Variants in KATNA1 observed in about 807,000 individuals in gnomAD.
KATNA1 encodes the protein katanin catalytic subunit A1, also known as katanin p60 ATPase-containing subunit A1.
KATNA1 carries 42 observed loss-of-function variants against 62.6 expected under a neutral mutation model. The ratio of observed to expected loss-of-function variants is 0.67; its 90% confidence interval spans 0.52 to 0.87. The LOEUF is 0.87. Ranked by LOEUF, KATNA1 falls within the 40% of genes least tolerant of loss-of-function variation. KATNA1 has a pLI of 0.00. For synonymous variants in KATNA1, 186 were observed against 201.9 expected, an observed-to-expected ratio of 0.92 and a Z score of 0.67; for missense variants, 498 against 612.5, an observed-to-expected ratio of 0.81 and a Z score of 1.97.
intron 2 of KATNA1, among the ~76,000 whole-genome samples, chr6:149,633,884 A>G (rs1779952744): frequency 6.6e-6 from 1 of 151,922 alleles, no homozygotes; most frequent in African/African-American, 2.4e-5. Flanking sequence ...TGAACCTGGG[A>G]GGCGGAGGTT....
chr6:149,640,903 T>A (rs1780257745), intron 1 of KATNA1, among the ~76,000 whole-genome samples: 1 of 145,506 alleles, frequency 6.9e-6, no homozygotes, highest in African/African-American at 2.6e-5. Flanking sequence ...GGAGTTTTGC[T>A]CTTGTTGCCC....
chr6:149,619,476 G>A (rs1779311461), intron 4 of KATNA1, among the ~76,000 whole-genome samples: 1 of 152,032 alleles, frequency 6.6e-6, no homozygotes, highest in Non-Finnish European at 1.5e-5. Context: ...AGCTAGGCGT[G>A]GTAGCGTGTG....
At chr6:149,632,622 G>C (rs966615551) in intron 3 of KATNA1, 137 bp downstream of exon 3, 1 of 632,876 alleles carries the variant, frequency 1.6e-6, no homozygotes, top group Non-Finnish European at 2.6e-6. Context: ...CAAGACCAGT[G>C]AGTTATAAAA....
At position 149,638,446 on chromosome 6, in the gene KATNA1, G is replaced by A. The variant is rs761567070; in HGVS notation, c.102C>T (p.Asp34=). The change falls in exon 2 of 11, where the codon GAC becomes GAT. Residue 34 remains aspartate (D), a synonymous_variant. Coordinates refer to ENST00000367411, the MANE Select transcript of KATNA1 (RefSeq NM_007044.4). The stretch of plus-strand genomic sequence containing the variant: ...CTGAGTACAGATACTTGTTCATTTG[G>A]TCAAGAACTCCCTGATAATAGACCA... ...SAMVYYQGVL[D]QMNKYLYSVK... is the part of the protein sequence containing the mutation. 7 of 1,613,578 alleles carry A rather than the reference G, an allele frequency of 4.3e-6. No individual in the cohort carries two copies. The highest frequency in any genetic ancestry group is 4.0e-5 in the African/African-American group (3 of 74,796).
Position 149,646,121 on chromosome 6 carries a change from A to G in KATNA1, c.-14+2348T>C, listed in dbSNP as rs902016418. ...ATGTGCATGGGTCATTCATTCAAGA[A>G]ATATTAAAGGAACACCAACTAAGTT... On this transcript the variant is annotated intron_variant, in intron 1 of 10. Coordinates refer to ENST00000367411, the MANE Select transcript of KATNA1 (RefSeq NM_007044.4). 2.6e-5 allele frequency among the ~76,000 whole-genome samples: 4 copies of G among 152,148 alleles called. No homozygotes were observed. The South Asian group carries it at 8.3e-4, about 32-fold the overall frequency.
intron 3 of KATNA1, among the ~76,000 whole-genome samples, chr6:149,626,788 A>C (rs2114588648): frequency 6.7e-6 from 1 of 149,826 alleles, no homozygotes; most frequent in African/African-American, 2.5e-5. Context: ...GTTCGAGAAC[A>C]GCCTGGCCAA....
At position 149,597,121 on chromosome 6, in the gene KATNA1, C is replaced by G. The variant is rs899212534; in HGVS notation, c.1219G>C (p.Ala407Pro). Residue 407 changes from alanine to proline, a missense_variant, in exon 10 of 11, where the codon GCA becomes CCA. Around this residue, in one of 3 missense-constraint regions of KATNA1, gnomAD observed 267 missense variants for 372.6 expected, o/e 0.72. Coordinates refer to ENST00000367411, the MANE Select transcript of KATNA1 (RefSeq NM_007044.4). ...CCTTCCATGTTTTCTGCTATACTTG[C>G]AAGGTCAACATCATCAGCCAATTCC... is the stretch of plus-strand genomic sequence containing the variant. ...ELELADDVDL[A>P]SIAENMEGYS... is the part of the protein sequence containing the mutation. 4 of 1,614,070 alleles carry G rather than the reference C, an allele frequency of 2.5e-6. No homozygotes were observed. The African/African-American group carries it at 4.0e-5, about 16-fold the overall frequency.
At chr6:149,648,133 CG>C (rs1780557994) in intron 1 of KATNA1, among the ~76,000 whole-genome samples, 1 of 151,988 alleles carries the variant, frequency 6.6e-6, no homozygotes, top group African/African-American at 2.4e-5. Flanking sequence ...GTGAGGGTTT[CG>C]GGGTGGGGGG....
intron 10 of KATNA1, among the ~76,000 whole-genome samples, chr6:149,596,016 TCA>T (rs1474876851): frequency 2.0e-5 from 3 of 152,220 alleles, no homozygotes; most frequent in Non-Finnish European, 4.4e-5. Context: ...TCAATATATT[TCA>T]CAGTCATTTC....
At chr6:149,602,193 C>T (rs1021627001) in intron 6 of KATNA1, among the ~76,000 whole-genome samples, 6 of 152,048 alleles carry the variant, frequency 3.9e-5, no homozygotes, top group Admixed American at 6.6e-5. Context: ...GGTGAAGCCC[C>T]GTTTCTACTA....
intron 10 of KATNA1, among the ~76,000 whole-genome samples, chr6:149,596,401 G>T (rs537978175): frequency 1.3e-5 from 2 of 152,258 alleles, no homozygotes; most frequent in South Asian, 4.1e-4. Flanking sequence ...CAGGTGTGGT[G>T]GTGCATGCCT....
At chr6:149,607,309 T>C (rs1296841118) in intron 4 of KATNA1, among the ~76,000 whole-genome samples, 1 of 152,318 alleles carries the variant, frequency 6.6e-6, no homozygotes, top group Admixed American at 6.5e-5. Flanking sequence ...CTTTTAGATA[T>C]ACATCTATCT....
Position 149,626,292 on chromosome 6 carries a change from CT to C in KATNA1, c.321-3010del, listed in dbSNP as rs544379629. Among the ~76,000 whole-genome samples the C allele has an allele frequency of 9.6e-3, 849 of 88,706 alleles. 4 individuals are homozygous for C. Among genetic ancestry groups the C allele is most frequent in the African/African-American group, 0.024 (453 of 18,696 alleles). The allele number at this position is 88,706 out of a possible 152,430, so 58.2% of individuals were successfully genotyped here. ...GAAACAACTATTTATATAACATTTACTTTTTTTTTTTTTTTTTTTTGAGACG... is the reference window on the plus strand; with the variant it reads ...GAAACAACTATTTATATAACATTTACTTTTTTTTTTTTTTTTTTTGAGACG... On this transcript the variant is annotated intron_variant, in intron 3 of 10. Coordinates refer to ENST00000367411, the MANE Select transcript of KATNA1 (RefSeq NM_007044.4).
intron 4 of KATNA1, among the ~76,000 whole-genome samples, chr6:149,612,209 A>G (rs1472061650): frequency 6.6e-6 from 1 of 152,098 alleles, no homozygotes; most frequent in Non-Finnish European, 1.5e-5. Flanking sequence ...TTGTAGAAAC[A>G]TTTAAAAAAG....
chr6:149,634,727 A>G (rs1471615324), intron 2 of KATNA1, among the ~76,000 whole-genome samples: 1 of 152,176 alleles, frequency 6.6e-6, no homozygotes, highest in East Asian at 1.9e-4. Flanking sequence ...ATTAATCCCA[A>G]TTACCCTGAT....
At chr6:149,615,600 C>A (rs965905844) in intron 4 of KATNA1, among the ~76,000 whole-genome samples, 2 of 152,012 alleles carry the variant, frequency 1.3e-5, no homozygotes, top group Non-Finnish European at 2.9e-5. Context: ...ATGGATTAAA[C>A]CCTCCCATCA....
At chr6:149,609,295 G>A (rs1778855512) in intron 4 of KATNA1, among the ~76,000 whole-genome samples, 1 of 151,972 alleles carries the variant, frequency 6.6e-6, no homozygotes, top group Non-Finnish European at 1.5e-5. Flanking sequence ...TTGCTTATAG[G>A]GAAAAACAAT....
chr6:149,601,349 T>C (rs1778536396), intron 7 of KATNA1, among the ~76,000 whole-genome samples: 1 of 152,162 alleles, frequency 6.6e-6, no homozygotes, highest in Non-Finnish European at 1.5e-5. Flanking sequence ...AGATTAGTAA[T>C]GCAGATCCCA....
intron 1 of KATNA1, among the ~76,000 whole-genome samples, chr6:149,641,273 T>A (rs1417741484): frequency 1.3e-5 from 2 of 150,432 alleles, no homozygotes; most frequent in African/African-American, 4.9e-5. Flanking sequence ...GCCTCCCGGG[T>A]TCATGCCATT....
Sources: gnomAD v4.1 joint callset for allele counts (sites outside exome capture counted in the v4.1 genomes callset) on GRCh38, gnomAD v4.1.1 for gene constraint, gnomAD v4.1.1 regional missense constraint, MANE v1.5 for transcripts, NCBI Gene and HGNC (gene_info 2026-07-23, HGNC 2026-07-21) for gene names.